ANKS1B: variants seen among roughly 807,000 people sequenced by gnomAD.
ANKS1B encodes the protein ankyrin repeat and sterile alpha motif domain containing 1B, also known as ankyrin repeat and sterile alpha motif domain-containing protein 1B.
In ANKS1B, 36 loss-of-function variants were observed where a neutral mutation model predicts 148.3. That is an observed-to-expected ratio of 0.24 (90% CI 0.19 to 0.32). ANKS1B has a LOEUF of 0.32. ANKS1B is among the 10% of genes least tolerant of loss of function. The pLI is 1.00. For synonymous variants in ANKS1B, 542 were observed against 560.8 expected, an observed-to-expected ratio of 0.97 and a Z score of 0.47; for missense variants, 1,157 against 1,542.6, an observed-to-expected ratio of 0.75 and a Z score of 4.19.
chr12:99,919,096 A>T (rs1032624257), intron 1 of ANKS1B, among the ~76,000 whole-genome samples: 1 of 152,180 alleles, frequency 6.6e-6, no homozygotes, highest in African/African-American at 2.4e-5. Context: ...AGCTGGCCCT[A>T]TGCTTGAGGC....
chr12:99,183,610 T>C (rs556768421), intron 14 of ANKS1B, among the ~76,000 whole-genome samples: 1 of 152,234 alleles, frequency 6.6e-6, no homozygotes, highest in East Asian at 1.9e-4. Context: ...GTCACTGCAC[T>C]CCAGCCTGGG....
chr12:99,066,637 G>T (rs1010850754), intron 16 of ANKS1B, among the ~76,000 whole-genome samples: 1 of 152,188 alleles, frequency 6.6e-6, no homozygotes, highest in Non-Finnish European at 1.5e-5. Context: ...CACTTTGACT[G>T]CTGTGTTGAG....
At chr12:98,773,507 T>C (rs1294806401) in intron 24 of ANKS1B, among the ~76,000 whole-genome samples, 1 of 152,210 alleles carries the variant, frequency 6.6e-6, no homozygotes, top group Non-Finnish European at 1.5e-5. Context: ...CAGGCTGAAG[T>C]GCAGTGGTGC....
chr12:99,283,268 A>G (rs1194488657), intron 12 of ANKS1B, among the ~76,000 whole-genome samples: 1 of 152,196 alleles, frequency 6.6e-6, no homozygotes, highest in Non-Finnish European at 1.5e-5. Context: ...TTCTGGGTAG[A>G]TGCCAGATTT....
intron 16 of ANKS1B, among the ~76,000 whole-genome samples, chr12:99,081,288 A>C (rs751325104): frequency 2.0e-5 from 3 of 152,208 alleles, no homozygotes; most frequent in Non-Finnish European, 4.4e-5. Flanking sequence ...GTTTAGGAAC[A>C]ATCTCACTAA....
intron 1 of ANKS1B, among the ~76,000 whole-genome samples, chr12:99,894,508 CA>C (rs777618998): frequency 4.7e-3 from 304 of 64,254 alleles, no homozygotes; most frequent in Non-Finnish European, 6.7e-3. Context: ...GACCCTGTCT[CA>C]AAAAAAAAAA....
At chr12:99,047,359 C>A (rs2153514735) in intron 17 of ANKS1B, among the ~76,000 whole-genome samples, 1 of 152,258 alleles carries the variant, frequency 6.6e-6, no homozygotes, top group African/African-American at 2.4e-5. Flanking sequence ...GAGATTGTGC[C>A]ACTGCACTCC....
At chr12:98,804,131 A>G (rs2099030044) in intron 20 of ANKS1B, among the ~76,000 whole-genome samples, 3 of 152,174 alleles carry the variant, frequency 2.0e-5, no homozygotes, top group Admixed American at 1.3e-4. Flanking sequence ...ATCTGATAGG[A>G]TTTTCCCTAG....
At chr12:98,930,058 C>T (rs1229295871) in intron 17 of ANKS1B, among the ~76,000 whole-genome samples, 5 of 151,812 alleles carry the variant, frequency 3.3e-5, no homozygotes, top group South Asian at 4.2e-4. Flanking sequence ...TTTTCTATTC[C>T]AGGTATATAA....
intron 14 of ANKS1B, among the ~76,000 whole-genome samples, chr12:99,225,232 T>C (rs2085717904): frequency 6.6e-6 from 1 of 152,074 alleles, no homozygotes; most frequent in Non-Finnish European, 1.5e-5. Flanking sequence ...GGAAAATTCT[T>C]TCTAGAGTTT....
intron 9 of ANKS1B, among the ~76,000 whole-genome samples, chr12:99,593,204 C>T (rs969623634): frequency 6.6e-6 from 1 of 151,880 alleles, no homozygotes; most frequent in African/African-American, 2.4e-5. Flanking sequence ...TTTGGAGTGC[C>T]CTGGCCAAGA....
chr12:99,211,678 T>A (rs1185452986), intron 14 of ANKS1B, among the ~76,000 whole-genome samples: 1 of 152,222 alleles, frequency 6.6e-6, no homozygotes, highest in Admixed American at 6.5e-5. Flanking sequence ...CTCTTTGGAT[T>A]AAAGCTGTGT....
chr12:98,939,800 C>T (rs2099833489), intron 17 of ANKS1B, among the ~76,000 whole-genome samples: 1 of 152,178 alleles, frequency 6.6e-6, no homozygotes, highest in South Asian at 2.1e-4. Flanking sequence ...GCAAAGTGGA[C>T]ACCTGGACCT....
intron 11 of ANKS1B, among the ~76,000 whole-genome samples, chr12:99,411,739 A>C (rs2094715299): frequency 6.6e-6 from 1 of 152,148 alleles, no homozygotes; most frequent in Non-Finnish European, 1.5e-5. Flanking sequence ...TTTGGACTCG[A>C]CTATATTCCC....
At chr12:99,344,390 GT>G (rs934139889) in intron 12 of ANKS1B, among the ~76,000 whole-genome samples, 1 of 151,786 alleles carries the variant, frequency 6.6e-6, no homozygotes, top group African/African-American at 2.4e-5. Context: ...TATCATAATT[GT>G]TTTCTGTCTC....
At chr12:99,814,332 T>C (rs1413871225) in intron 2 of ANKS1B, among the ~76,000 whole-genome samples, 1 of 151,578 alleles carries the variant, frequency 6.6e-6, no homozygotes. Context: ...TTAAATAAGA[T>C]CATAAAAAAG....
At chr12:98,795,004 GA>G in intron 22 of ANKS1B, 3 of 895,804 alleles carry the variant, frequency 3.3e-6, no homozygotes, top group Non-Finnish European at 1.8e-6. Context: ...ATGAACATTT[GA>G]AAATGCCCTT....
At chr12:99,814,034 A>G (rs2068775634) in intron 2 of ANKS1B, among the ~76,000 whole-genome samples, 1 of 151,658 alleles carries the variant, frequency 6.6e-6, no homozygotes, top group Admixed American at 6.6e-5. Context: ...TACTTTCTGT[A>G]TCTATTGTGT....
At chr12:99,694,398 C>T (rs930664729) in intron 8 of ANKS1B, among the ~76,000 whole-genome samples, 6 of 150,658 alleles carry the variant, frequency 4.0e-5, no homozygotes, top group Admixed American at 6.6e-5. Flanking sequence ...GAGATCATGC[C>T]ACTACACTCC....
Sources: allele counts gnomAD v4.1 joint callset (sites outside exome capture counted in the v4.1 genomes callset), GRCh38; gene constraint gnomAD v4.1.1; transcripts MANE v1.5; gene names NCBI Gene and HGNC (gene_info 2026-07-23, HGNC 2026-07-21).